Variants in EGFLAM observed in about 807,000 individuals in gnomAD.
EGFLAM encodes the protein pikachurin.
In EGFLAM, 79 loss-of-function variants were observed where a neutral mutation model predicts 113.1. The ratio of observed to expected loss-of-function variants is 0.70; its 90% CI spans 0.58 to 0.84. The LOEUF is 0.84. Ranked by LOEUF, EGFLAM falls within the 40% of genes least tolerant of loss-of-function variation. The pLI is 0.00. For missense variants in EGFLAM, 1,265 were observed against 1,291.6 expected (o/e 0.98, Z 0.32); for synonymous variants, 504 against 487.6 (o/e 1.03, Z -0.44).
chr5:38,310,010 A>G (rs952791532), intron 1 of EGFLAM, among the ~76,000 whole-genome samples: 1 of 152,216 alleles, frequency 6.6e-6, no homozygotes, highest in African/African-American at 2.4e-5. Context: ...TGCTAGCACC[A>G]TTCAGGACCT....
chr5:38,379,406 C>A (rs1431035751), intron 6 of EGFLAM, among the ~76,000 whole-genome samples: 1 of 151,314 alleles, frequency 6.6e-6, no homozygotes, highest in Non-Finnish European at 1.5e-5. Context: ...GTAAATGATG[C>A]ATGGAACCTC....
chr5:38,317,991 G>A (rs1463039660), intron 1 of EGFLAM, among the ~76,000 whole-genome samples: 1 of 152,172 alleles, frequency 6.6e-6, no homozygotes, highest in African/African-American at 2.4e-5. Flanking sequence ...AAGGAAAGGT[G>A]TTCTCACCCA....
chr5:38,447,973 C>G (rs1742771787), intron 17 of EGFLAM, among the ~76,000 whole-genome samples: 1 of 152,166 alleles, frequency 6.6e-6, no homozygotes, highest in African/African-American at 2.4e-5. Context: ...CAGCTGCTCC[C>G]CACATGGCCC....
Position 38,384,202 on chromosome 5 carries a change from A to G in EGFLAM, c.712+13740A>G, listed in dbSNP as rs143224795. On this transcript the variant is annotated intron_variant, in intron 6 of 21. Transcript: ENST00000322350. ...AAAGAAAAAAGAGGTAGAGTGCCAA[A>G]TGGAAATCATAGAATTTTGAAACTG... is the stretch of plus-strand genomic sequence containing the variant. Among the ~76,000 whole-genome samples, 348 of 152,242 alleles carry G rather than the reference A, an allele frequency of 2.3e-3. 1 individual carries two copies. In the Middle Eastern group the frequency reaches 0.037, roughly 16 times the overall value.
In EGFLAM at chr5:38,406,928, C is replaced by T; in HGVS notation, c.929C>T (p.Pro310Leu). 1.2e-6 allele frequency: 2 copies of T among 1,614,192 alleles called. No homozygotes were observed. ...CCAAAGACCATTTCTAGGCTCATCC[C>T]CCCTACCTCAGCATCTCTCCCTGTG... ...SNPKTISRLIPPTSASLPVTT... is the reference protein window; with the variant it reads ...SNPKTISRLILPTSASLPVTT... The change falls in exon 8 of 22, where the codon CCC becomes CTC. Residue 310 changes from proline to leucine, a missense_variant. Transcript: ENST00000322350.
intron 17 of EGFLAM, among the ~76,000 whole-genome samples, chr5:38,445,038 G>T (rs1742663091): frequency 6.6e-6 from 1 of 152,174 alleles, no homozygotes; most frequent in Admixed American, 6.5e-5. Context: ...TGATGATTTT[G>T]GATGTGATTA....
At chr5:38,443,678 T>C (rs1450199999) in intron 17 of EGFLAM, among the ~76,000 whole-genome samples, 1 of 152,168 alleles carries the variant, frequency 6.6e-6, no homozygotes, top group Non-Finnish European at 1.5e-5. Context: ...GGAGCCCTGG[T>C]TGTTGGGGAA....
chr5:38,273,803 A>T (rs1757822121), intron 1 of EGFLAM, among the ~76,000 whole-genome samples: 2 of 152,210 alleles, frequency 1.3e-5, no homozygotes. Flanking sequence ...TTGACACATG[A>T]CCAAAATGAT....
At chr5:38,302,912 T>G (rs926744942) in intron 1 of EGFLAM, among the ~76,000 whole-genome samples, 2 of 152,186 alleles carry the variant, frequency 1.3e-5, no homozygotes, top group African/African-American at 4.8e-5. Flanking sequence ...CCATCCTCAC[T>G]ACTCCTGGCT....
chr5:38,433,146 G>T (rs1308217037), intron 15 of EGFLAM, among the ~76,000 whole-genome samples: 1 of 152,236 alleles, frequency 6.6e-6, no homozygotes, highest in Non-Finnish European at 1.5e-5. Flanking sequence ...TGTTCGAAGT[G>T]TGGCTGACAG....
chr5:38,448,264 A>AT, intron 17 of EGFLAM, 37 bp from the exon 18 acceptor site: 1 of 1,611,808 alleles, frequency 6.2e-7, no homozygotes, highest in South Asian at 1.1e-5. Context: ...CAAGAGAACC[A>AT]CATACTATGT....
chr5:38,270,717 G>T (rs1252946999), intron 1 of EGFLAM, among the ~76,000 whole-genome samples: 2 of 152,114 alleles, frequency 1.3e-5, no homozygotes, highest in Non-Finnish European at 2.9e-5. Context: ...GAAATTTAAG[G>T]TTCATAATAC....
intron 18 of EGFLAM, among the ~76,000 whole-genome samples, chr5:38,449,064 G>A (rs1221571188): frequency 1.3e-5 from 2 of 152,116 alleles, no homozygotes; most frequent in Non-Finnish European, 2.9e-5. Flanking sequence ...TCCTCAACTC[G>A]GTCAAGCTTG....
At chr5:38,406,364 C>G (rs1234432943) in intron 7 of EGFLAM, 123 bp downstream of exon 7, 5 of 831,862 alleles carry the variant, frequency 6.0e-6, no homozygotes, top group Non-Finnish European at 9.6e-6. Context: ...GCTTTTAACA[C>G]TGATTTGTTT....
At chr5:38,431,319 T>C in intron 15 of EGFLAM, 31 bp downstream of exon 15, 1 of 1,602,804 alleles carries the variant, frequency 6.2e-7, no homozygotes, top group Non-Finnish European at 8.5e-7. Context: ...CTCTTGATGG[T>C]TAGTGTGAGC....
intron 1 of EGFLAM, among the ~76,000 whole-genome samples, chr5:38,297,204 G>A (rs1191004408): frequency 1.3e-5 from 2 of 152,168 alleles, no homozygotes; most frequent in South Asian, 2.1e-4. Context: ...TTATGGTTAT[G>A]TAAGATTTAA....
intron 20 of EGFLAM, among the ~76,000 whole-genome samples, chr5:38,462,024 C>T (rs530418609): frequency 4.0e-4 from 61 of 152,082 alleles, no homozygotes; most frequent in Admixed American, 6.5e-4. Context: ...AAAAATTAGC[C>T]GGGCGAGGTG....
At chr5:38,382,551 A>G (rs1305148638) in intron 6 of EGFLAM, among the ~76,000 whole-genome samples, 2 of 152,224 alleles carry the variant, frequency 1.3e-5, no homozygotes, top group African/African-American at 4.8e-5. Context: ...AGTTGGATAG[A>G]CTGACATGCA....
intron 11 of EGFLAM, among the ~76,000 whole-genome samples, chr5:38,413,881 T>C (rs1741562326): frequency 6.6e-6 from 1 of 152,072 alleles, no homozygotes; most frequent in African/African-American, 2.4e-5. Flanking sequence ...ATGGTTAGAG[T>C]CTCAGAAGGA....
Sources: allele counts gnomAD v4.1 joint callset (sites outside exome capture counted in the v4.1 genomes callset), GRCh38; gene constraint gnomAD v4.1.1; transcripts MANE v1.5; gene names NCBI Gene and HGNC (gene_info 2026-07-23, HGNC 2026-07-21).